Variants in AKAP9 observed in about 807,000 individuals in gnomAD.
AKAP9 encodes A-kinase anchor protein 9.
Under a neutral mutation model 488.5 loss-of-function variants are expected in AKAP9, and 311 were observed. The ratio of observed to expected loss-of-function variants is 0.64; its 90% CI spans 0.58 to 0.70. AKAP9 has a LOEUF of 0.70. AKAP9 is among the 30% of genes least tolerant of loss of function. The probability of loss-of-function intolerance (pLI) is 0.00; values close to 1 mark genes in which losing one functional copy is unlikely to be tolerated. For missense variants in AKAP9, 4,215 were observed against 4,374.5 expected, an observed-to-expected ratio of 0.96 and a Z score of 1.03; for synonymous variants, 1,462 against 1,483.5, an observed-to-expected ratio of 0.99 and a Z score of 0.33.
At chr7:92,050,538 T>G (rs915563746) in intron 21 of AKAP9, among the ~76,000 whole-genome samples, 5 of 152,192 alleles carry the variant, frequency 3.3e-5, no homozygotes, top group Non-Finnish European at 7.3e-5. Flanking sequence ...CAAATAACAT[T>G]ACTAAAGTGT....
At chr7:91,958,330 T>C (rs1793307602) in intron 1 of AKAP9, among the ~76,000 whole-genome samples, 1 of 152,248 alleles carries the variant, frequency 6.6e-6, no homozygotes, top group African/African-American at 2.4e-5. Flanking sequence ...TGTCTATTTG[T>C]TACAAATATA....
chr7:92,050,146 C>T (rs989980164), intron 21 of AKAP9, among the ~76,000 whole-genome samples: 1 of 151,568 alleles, frequency 6.6e-6, no homozygotes, highest in African/African-American at 2.4e-5. Flanking sequence ...CTCACTGCAA[C>T]CTCCACCTCC....
At chr7:92,058,214 T>C (rs747800881) in intron 22 of AKAP9, 1 of 593,154 alleles carries the variant, frequency 1.7e-6, no homozygotes, top group Non-Finnish European at 3.4e-6. Context: ...AGTCAGTGGC[T>C]CGTGGTTAGA....
chr7:91,992,214 A>G lies in AKAP9; in HGVS notation c.405+3A>G. The G allele has an allele frequency of 6.2e-7, 1 of 1,600,442 alleles. No individual in the cohort carries two copies. Among genetic ancestry groups the G allele is most frequent in the Non-Finnish European group, 8.6e-7 (1 of 1,167,682 alleles). On this transcript the variant is annotated splice_donor_region_variant and intron_variant, in intron 4 of 49. Coordinates refer to ENST00000356239, the MANE Select transcript of AKAP9 (RefSeq NM_005751.5). ...GAAAGCCTACAAATTTATTAAGGGT[A>G]CAGTATTTAAAACTACTTGTGATAC...
At chr7:91,990,696 T>A (rs991379582) in intron 3 of AKAP9, among the ~76,000 whole-genome samples, 3 of 152,150 alleles carry the variant, frequency 2.0e-5, no homozygotes, top group African/African-American at 7.2e-5. Flanking sequence ...ATTCATGTAA[T>A]ACTGACAGTT....
At chr7:91,964,277 A>C (rs770415390) in intron 1 of AKAP9, among the ~76,000 whole-genome samples, 82 of 152,186 alleles carry the variant, frequency 5.4e-4, no homozygotes, top group Non-Finnish European at 7.3e-5. Context: ...AGAAGTGTAC[A>C]TTATTTTTTT....
intron 27 of AKAP9, 90 bp from the exon 28 acceptor site, chr7:92,070,806 CAAAAAAAAA>C (rs34613656): frequency 2.2e-6 from 1 of 457,768 alleles, no homozygotes. Context: ...TGCTGCTTCT[CAAAAAAAAA>C]AAAAAAAAAA....
chr7:91,946,651 G>C (rs1446550487), intron 1 of AKAP9, among the ~76,000 whole-genome samples: 1 of 152,172 alleles, frequency 6.6e-6, no homozygotes, highest in Non-Finnish European at 1.5e-5. Context: ...CGAGATTATA[G>C]GGGTGACCCA....
intron 3 of AKAP9, among the ~76,000 whole-genome samples, chr7:91,987,969 C>T (rs1160672936): frequency 2.0e-5 from 3 of 151,926 alleles, no homozygotes; most frequent in Non-Finnish European, 2.9e-5. Flanking sequence ...CTCAGGAGTT[C>T]GAGACCAGCC....
intron 2 of AKAP9, among the ~76,000 whole-genome samples, chr7:91,978,932 A>ATTTTTTTT (rs34097770): frequency 3.3e-5 from 3 of 90,380 alleles, no homozygotes; most frequent in Admixed American, 1.3e-4. Flanking sequence ...TAGTTTTTGT[A>ATTTTTTTT]TTTTTTTTTT....
intron 34 of AKAP9, 48 bp from the exon 35 acceptor site, chr7:92,084,771 G>A (rs779616117): frequency 6.2e-7 from 1 of 1,602,476 alleles, no homozygotes; most frequent in Non-Finnish European, 8.5e-7. Flanking sequence ...TTGGGGACTG[G>A]GGTTTGATTT....
At chr7:92,030,097 T>A (rs946587708) in intron 15 of AKAP9, 106 bp downstream of exon 15, 3 of 792,662 alleles carry the variant, frequency 3.8e-6, no homozygotes, top group Non-Finnish European at 6.2e-6. Flanking sequence ...GAAGTAAGCA[T>A]AATAAATATG....
At position 91,993,036 on chromosome 7, in the gene AKAP9, G is replaced by A. The variant is rs896283872; in HGVS notation, c.557G>A (p.Gly186Glu). The change falls in exon 5 of 50, where the codon GGG becomes GAG. Residue 186 changes from glycine to glutamate, a missense_variant. Transcript: ENST00000356239. ...CTGGAAGAAATGAGGGTTACCTATG[G>A]GACTGAAGGACTGCAGCAGGTATGT... The part of the protein sequence containing the change: ...RELEEMRVTY[G>E]TEGLQQLQEF... 5.6e-6 allele frequency: 9 copies of A among 1,613,956 alleles called. No homozygotes were observed. Among genetic ancestry groups the A allele is most frequent in the Non-Finnish European group, 6.8e-6 (8 of 1,179,944 alleles).
intron 1 of AKAP9, among the ~76,000 whole-genome samples, chr7:91,969,226 A>T (rs1303368162): frequency 6.6e-6 from 1 of 152,092 alleles, no homozygotes; most frequent in Non-Finnish European, 1.5e-5. Flanking sequence ...GTGTTTTCTG[A>T]GGTACTTCTT....
At chr7:92,013,878 T>TAAA (rs758965127) in intron 9 of AKAP9, among the ~76,000 whole-genome samples, 2 of 147,692 alleles carry the variant, frequency 1.4e-5, no homozygotes, top group Non-Finnish European at 3.0e-5. Context: ...TCAACATTTT[T>TAAA]AAAAAAAAAA....
intron 3 of AKAP9, among the ~76,000 whole-genome samples, chr7:91,991,504 C>T (rs1797748592): frequency 6.8e-6 from 1 of 147,852 alleles, no homozygotes; most frequent in African/African-American, 2.5e-5. Context: ...CAGAGTCTTG[C>T]TCTGTCGCCC....
rs1409141394 is a variant in AKAP9 at position 92,001,186 on chromosome 7, A to T, written c.1269A>T (p.Glu423Asp). The T allele has an allele frequency of 6.2e-7, 1 of 1,614,054 alleles. No individual in the cohort carries two copies. The highest frequency in any genetic ancestry group is 8.5e-7 in the Non-Finnish European group (1 of 1,179,948). ...AAACTGATATAGTACAACGAATGGA[A>T]CAAGAAACACAAAGAAAGTTAGAAC... is the stretch of plus-strand genomic sequence containing the variant. ...QFETDIVQRM[E>D]QETQRKLEQL... The change falls in exon 8 of 50, where the codon GAA becomes GAT. Residue 423 changes from glutamate to aspartate, a missense_variant. Physicochemically the swap from Glu to Asp is conservative, Grantham distance 45. Around this residue, in one of 5 missense-constraint regions of AKAP9, gnomAD observed 2,361 missense variants for 2,430.0 expected, o/e 0.97. Transcript: ENST00000356239.
intron 3 of AKAP9, among the ~76,000 whole-genome samples, chr7:91,980,973 A>G (rs550800145): frequency 6.6e-6 from 1 of 152,264 alleles, no homozygotes; most frequent in African/African-American, 2.4e-5. Flanking sequence ...GTCTCAATTT[A>G]TTGTAGGTTT....
At chr7:92,043,091 AATATT>A in intron 20 of AKAP9, 1 of 206,056 alleles carries the variant, frequency 4.9e-6, no homozygotes, top group Non-Finnish European at 9.9e-6. Context: ...AAAAATGTGA[AATATT>A]AAGTGAGAAT....
Sources: allele counts gnomAD v4.1 joint callset (sites outside exome capture counted in the v4.1 genomes callset), GRCh38; gene constraint gnomAD v4.1.1; regional missense constraint gnomAD v4.1.1; transcripts MANE v1.5; gene names NCBI Gene and HGNC (gene_info 2026-07-23, HGNC 2026-07-21).